MPHOSPH6: variants seen among roughly 807,000 people sequenced by gnomAD.
The protein encoded by MPHOSPH6 is M-phase phosphoprotein 6.
MPHOSPH6 carries 25 observed loss-of-function variants against 21.8 expected under a neutral mutation model. The observed-to-expected ratio is 1.15, with a 90% CI of 0.83 to 1.60. The LOEUF (loss-of-function observed/expected upper bound fraction) is 1.60. Ranked by LOEUF, MPHOSPH6 falls within the 40% of genes most tolerant of loss-of-function variation. MPHOSPH6 has a pLI of 0.00. For synonymous variants in MPHOSPH6, 84 were observed against 56.5 expected, an observed-to-expected ratio of 1.49 and a Z score of -2.18; for missense variants, 269 against 181.8, an observed-to-expected ratio of 1.48 and a Z score of -2.76.
intron 1 of MPHOSPH6, among the ~76,000 whole-genome samples, chr16:82,169,004 G>A (rs1379521124): frequency 6.6e-6 from 1 of 152,110 alleles, no homozygotes; most frequent in African/African-American, 2.4e-5. Flanking sequence ...TTCTGTTTCA[G>A]TTGCCTTAGC....
chr16:82,151,315 T>A (rs767152729), intron 3 of MPHOSPH6, 109 bp downstream of exon 3: 41 of 1,439,278 alleles, frequency 2.8e-5, no homozygotes, highest in Non-Finnish European at 3.7e-5. Context: ...TGTTATTTTC[T>A]ATATAATGAG....
chr16:82,168,420 C>A (rs1906859044), intron 1 of MPHOSPH6, among the ~76,000 whole-genome samples: 2 of 152,054 alleles, frequency 1.3e-5, no homozygotes, highest in Admixed American at 6.5e-5. Context: ...TCCCTAACTC[C>A]ATCCTAGCTC....
chr16:82,156,891 A>C (rs571275252), intron 2 of MPHOSPH6, among the ~76,000 whole-genome samples: 2 of 152,120 alleles, frequency 1.3e-5, no homozygotes, highest in African/African-American at 4.8e-5. Context: ...CATGGTCTCT[A>C]TTAAAAATAA....
intron 3 of MPHOSPH6, 105 bp from the exon 4 acceptor site, chr16:82,149,508 G>T: frequency 1.1e-6 from 1 of 934,138 alleles, no homozygotes; most frequent in Non-Finnish European, 1.7e-6. Flanking sequence ...ATAATCTAGA[G>T]AACTAGTCAA....
chr16:82,148,926 C>A, intron 4 of MPHOSPH6, 63 bp from the exon 5 acceptor site: 3 of 1,567,848 alleles, frequency 1.9e-6, no homozygotes, highest in Non-Finnish European at 1.7e-6. Context: ...CAAGCCTTGT[C>A]AAGAATATCA....
chr16:82,154,971 A>G (rs1303281943), intron 2 of MPHOSPH6, among the ~76,000 whole-genome samples: 1 of 152,246 alleles, frequency 6.6e-6, no homozygotes, highest in Non-Finnish European at 1.5e-5. Context: ...CATCAATAAA[A>G]TGTCAGCAAA....
Position 82,149,413 on chromosome 16 carries a change from A to T in MPHOSPH6, c.256-10T>A. 1 of 1,609,688 alleles carries T rather than the reference A, an allele frequency of 6.2e-7. No individual in the cohort carries two copies. ...TCTGAAGCATCAATTTCTGAAAAAT[A>T]CACCAGTGCTGACCTTCAGGCTAGA... is the stretch of plus-strand genomic sequence containing the variant. On this transcript the variant is annotated splice_polypyrimidine_tract_variant and intron_variant, in intron 3 of 4. Transcript: ENST00000258169.
chr16:82,149,412 T>A lies in MPHOSPH6; in HGVS notation c.256-9A>T. 6.2e-7 allele frequency: 1 copy of A among 1,609,822 alleles called. No homozygotes were observed. On this transcript the variant is annotated splice_polypyrimidine_tract_variant and intron_variant, in intron 3 of 4. Transcript: ENST00000258169. ...ATCTGAAGCATCAATTTCTGAAAAA[T>A]ACACCAGTGCTGACCTTCAGGCTAG...
chr16:82,154,269 G>T (rs370734062), intron 2 of MPHOSPH6, among the ~76,000 whole-genome samples: 1 of 152,172 alleles, frequency 6.6e-6, no homozygotes, highest in Non-Finnish European at 1.5e-5. Flanking sequence ...CACACCTTAG[G>T]AGTAGAGACA....
rs1234300966 is a variant in MPHOSPH6, at chr16:82,164,167, T to C, written c.79A>G (p.Thr27Ala). 6.2e-7 allele frequency: 1 copy of C among 1,611,328 alleles called. No individual in the cohort carries two copies. Among genetic ancestry groups the C allele is most frequent in the Non-Finnish European group, 8.5e-7 (1 of 1,179,860 alleles). Residue 27 changes from threonine (T) to alanine (A), a missense_variant, in exon 2 of 5, where the codon ACC becomes GCC. Thr to Ala is a moderately conservative substitution (Grantham distance 58, BLOSUM62 0). Coordinates refer to ENST00000258169, the MANE Select transcript of MPHOSPH6 (RefSeq NM_005792.2). ...TCTTCTTCTTCTAGTTGTTTCTTGG[T>C]TTCTGAGTCCAGTCCCCTTTGCATA... ...KFMQRGLDSE[T>A]KKQLEEEEKK...
chr16:82,157,592 G>A (rs766857354), intron 2 of MPHOSPH6, among the ~76,000 whole-genome samples: 2 of 152,164 alleles, frequency 1.3e-5, no homozygotes, highest in African/African-American at 4.8e-5. Flanking sequence ...ACATACAGCT[G>A]TAGACTTAAG....
chr16:82,169,534 C>A (rs559467952), intron 1 of MPHOSPH6, among the ~76,000 whole-genome samples: 76 of 152,318 alleles, frequency 5.0e-4, no homozygotes, highest in African/African-American at 1.7e-3. Context: ...ACTTGCATCT[C>A]CACAGTCGTG....
Position 82,151,423 on chromosome 16 carries a change from C to A in MPHOSPH6, c.255+1G>T. 6.2e-7 allele frequency: 1 copy of A among 1,604,814 alleles called. No homozygotes were observed. Among genetic ancestry groups the A allele is most frequent in the Non-Finnish European group, 8.5e-7 (1 of 1,176,990 alleles). On this transcript the variant is annotated splice_donor_variant, in intron 3 of 4. Coordinates refer to ENST00000258169, the MANE Select transcript of MPHOSPH6 (RefSeq NM_005792.2). LOFTEE classifies it high-confidence loss of function. ...TAATTTGAAGCAATTATATTTAATA[C>A]CTCAACCTCAGGATTAAATCCTCTG...
rs142194879 is a variant in MPHOSPH6, at chr16:82,161,356, G to A, written c.164+2726C>T. On this transcript the variant is annotated intron_variant, in intron 2 of 4. Coordinates refer to ENST00000258169, the MANE Select transcript of MPHOSPH6 (RefSeq NM_005792.2). ...GTGGCAGGCTAACTTGTTAGTTTCA[G>A]GTCCCTATAGCTTCTGACTCCAAAC... Among the ~76,000 whole-genome samples, 727 of 152,280 alleles carry A rather than the reference G, an allele frequency of 4.8e-3. 12 individuals carry two copies. Among genetic ancestry groups the A allele is most frequent in the African/African-American group, 0.016 (654 of 41,548 alleles).
intron 2 of MPHOSPH6, among the ~76,000 whole-genome samples, chr16:82,157,306 A>C (rs1906459436): frequency 1.3e-5 from 2 of 152,180 alleles, no homozygotes. Flanking sequence ...TGTAAAATGA[A>C]ATACCACTTA....
chr16:82,160,613 C>G (rs945726785), intron 2 of MPHOSPH6, among the ~76,000 whole-genome samples: 1 of 152,184 alleles, frequency 6.6e-6, no homozygotes, highest in Non-Finnish European at 1.5e-5. Context: ...GGTCCGTTAT[C>G]CAAGGTTCCA....
At position 82,149,407 on chromosome 16, in the gene MPHOSPH6, A is replaced by T. The variant is rs1252730744; in HGVS notation, c.256-4T>A. 1 of 1,610,812 alleles carries T rather than the reference A, an allele frequency of 6.2e-7. No individual in the cohort carries two copies. The highest frequency in any genetic ancestry group is 2.2e-5 in the East Asian group (1 of 44,880). ...CATTCATCTGAAGCATCAATTTCTG[A>T]AAAATACACCAGTGCTGACCTTCAG... On this transcript the variant is annotated splice_region_variant and splice_polypyrimidine_tract_variant and intron_variant, in intron 3 of 4. Transcript: ENST00000258169.
intron 3 of MPHOSPH6, among the ~76,000 whole-genome samples, chr16:82,150,209 T>G (rs532020452): frequency 1.3e-5 from 2 of 152,094 alleles, no homozygotes; most frequent in African/African-American, 2.4e-5. Context: ...CTGCCCCCCA[T>G]CAATTTCTGC....
chr16:82,164,096 C>A lies in MPHOSPH6; in HGVS notation c.150G>T (p.Glu50Asp). Residue 50 changes from glutamate (E) to aspartate (D), a missense_variant, in exon 2 of 5, where the codon GAG becomes GAT. Transcript: ENST00000258169. ...SEEHWYLDLP[E>D]LKEKESFIIE... ...AATAAACCTACTCTTTCTCTTTAAG[C>A]TCTGGCAAATCCAAGTACCAGTGCT... 6.2e-7 allele frequency: 1 copy of A among 1,610,368 alleles called. No homozygotes were observed. The highest frequency in any genetic ancestry group is 1.1e-5 in the South Asian group (1 of 90,662).
Sources: allele counts gnomAD v4.1 joint callset (sites outside exome capture counted in the v4.1 genomes callset), GRCh38; gene constraint gnomAD v4.1.1; transcripts MANE v1.5; gene names NCBI Gene and HGNC (gene_info 2026-07-23, HGNC 2026-07-21).